Variants in CUL3 observed in about 807,000 individuals in gnomAD.
The protein encoded by CUL3 is cullin 3.
A neutral mutation model predicts 89.1 loss-of-function variants in CUL3; 19 were observed. The observed-to-expected ratio is 0.21, with a 90% CI of 0.15 to 0.31. The LOEUF (loss-of-function observed/expected upper bound fraction) is 0.31. Ranked by LOEUF, CUL3 falls within the 10% of genes least tolerant of loss-of-function variation. The probability of loss-of-function intolerance (pLI) is 1.00; values close to 1 mark genes in which losing one functional copy is unlikely to be tolerated. For missense variants in CUL3, 469 were observed against 942.3 expected, an observed-to-expected ratio of 0.50 and a Z score of 6.58; for synonymous variants, 351 against 308.4, an observed-to-expected ratio of 1.14 and a Z score of -1.45.
rs540788988 is a variant in CUL3 at position 224,547,952 on chromosome 2, T to C, written c.264+9707A>G. On this transcript the variant is annotated intron_variant, in intron 2 of 15. Coordinates refer to ENST00000264414, the MANE Select transcript of CUL3 (RefSeq NM_003590.5). ...ATATAAAATTTAAAACTGGTTCTTC[T>C]TCCCCATCTAGAAATAGGGAGAAAA... 8.3e-4 allele frequency among the ~76,000 whole-genome samples: 127 copies of C among 152,270 alleles called. 3 individuals carry two copies. In the South Asian group the frequency reaches 0.026, roughly 31 times the overall value.
chr2:224,534,130 A>G (rs1410406457), intron 3 of CUL3, among the ~76,000 whole-genome samples: 2 of 152,250 alleles, frequency 1.3e-5, no homozygotes, highest in Admixed American at 1.3e-4. Context: ...TTAACTTATT[A>G]ATTTTGGAGT....
chr2:224,488,261 A>T (rs1691816746), intron 13 of CUL3, among the ~76,000 whole-genome samples: 1 of 151,700 alleles, frequency 6.6e-6, no homozygotes, highest in African/African-American at 2.4e-5. Flanking sequence ...GAAGGAGATA[A>T]GAGAAAACAG....
intron 2 of CUL3, among the ~76,000 whole-genome samples, chr2:224,546,256 A>T (rs6713629): frequency 0.75 from 113,479 of 152,060 alleles, 42,950 homozygotes; most frequent in African/African-American, 0.89. Context: ...CATGACAACA[A>T]AGCTACCAGT....
intron 2 of CUL3, among the ~76,000 whole-genome samples, chr2:224,546,993 T>C (rs1054354825): frequency 2.0e-5 from 3 of 152,092 alleles, no homozygotes; most frequent in Non-Finnish European, 2.9e-5. Context: ...TAGCTCACAG[T>C]CTCTTCTCAC....
At chr2:224,528,668 C>T (rs1362352749) in intron 3 of CUL3, among the ~76,000 whole-genome samples, 3 of 152,026 alleles carry the variant, frequency 2.0e-5, no homozygotes, top group African/African-American at 4.8e-5. Context: ...CTCAGCTTCT[C>T]TCCTCTTCAT....
chr2:224,549,658 G>A (rs1410722144), intron 2 of CUL3, among the ~76,000 whole-genome samples: 2 of 152,098 alleles, frequency 1.3e-5, no homozygotes, highest in African/African-American at 4.8e-5. Flanking sequence ...ACAGGAGTTA[G>A]AAGAAGAAAA....
At chr2:224,518,696 G>A (rs908782202) in intron 3 of CUL3, among the ~76,000 whole-genome samples, 1 of 152,076 alleles carries the variant, frequency 6.6e-6, no homozygotes, top group South Asian at 2.1e-4. Flanking sequence ...AAAACAAATG[G>A]CTGGTAAAGA....
intron 2 of CUL3, among the ~76,000 whole-genome samples, chr2:224,541,467 G>C (rs997223209): frequency 2.0e-5 from 3 of 152,156 alleles, no homozygotes; most frequent in East Asian, 1.9e-4. Flanking sequence ...GCAACAACTA[G>C]AACTACCATA....
chr2:224,497,148 T>C (rs745633793), intron 12 of CUL3, among the ~76,000 whole-genome samples: 14 of 152,278 alleles, frequency 9.2e-5, no homozygotes, highest in Non-Finnish European at 1.8e-4. Flanking sequence ...AATTTAGGTA[T>C]ATTTCTACAG....
intron 1 of CUL3, among the ~76,000 whole-genome samples, chr2:224,572,904 C>A (rs1695215587): frequency 6.6e-6 from 1 of 152,168 alleles, no homozygotes; most frequent in African/African-American, 2.4e-5. Flanking sequence ...TCCCAGCCTC[C>A]ACAAATGTGA....
chr2:224,585,024 C>A lies in CUL3; in HGVS notation c.-15G>T, dbSNP rs200776373. On this transcript the variant is annotated 5_prime_UTR_variant, in exon 1 of 16. Coordinates refer to ENST00000264414, the MANE Select transcript of CUL3 (RefSeq NM_003590.5). ...AGATTCGACATGGTGCTCGTCCCCT[C>A]CCCGGCGGCGGCTTCAGGTCGCGCT... The A allele has an allele frequency of 1.3e-6, 2 of 1,491,778 alleles. No individual in the cohort carries two copies. Among genetic ancestry groups the A allele is most frequent in the African/African-American group, 1.5e-5 (1 of 68,430 alleles). The allele number at this position is 1,491,778 out of a possible 1,614,324, so 92.4% of individuals were successfully genotyped here. A position where few individuals can be genotyped will look rare whatever the true frequency, so the allele number is the denominator to read the frequency against.
intron 1 of CUL3, among the ~76,000 whole-genome samples, chr2:224,579,805 T>C (rs184940962): frequency 2.0e-4 from 30 of 152,316 alleles, no homozygotes; most frequent in African/African-American, 7.0e-4. Flanking sequence ...TCATAACAGG[T>C]TTCCCAAACT....
intron 10 of CUL3, 140 bp from the exon 11 acceptor site, chr2:224,500,627 C>CTTTTTT (rs11350781): frequency 1.8e-5 from 7 of 396,316 alleles, no homozygotes; most frequent in East Asian, 6.0e-5. Flanking sequence ...ATTTTCTTTT[C>CTTTTTT]TTTTTTTTTT....
rs950203932 is a variant in CUL3, at chr2:224,534,954, T to C, written c.378+574A>G. Among the ~76,000 whole-genome samples, 40 of 151,334 alleles carry C rather than the reference T, an allele frequency of 2.6e-4. 1 individual carries two copies. Among genetic ancestry groups the C allele is most frequent in the Admixed American group, 2.6e-4 (4 of 15,226 alleles). On this transcript the variant is annotated intron_variant, in intron 3 of 15. Coordinates refer to ENST00000264414, the MANE Select transcript of CUL3 (RefSeq NM_003590.5). ...AGGCAGAGCTTGCAGTGAGCCGAGATCATGCCACTGCACTCCAGCCTGGGG... is the reference window on the plus strand; with the variant it reads ...AGGCAGAGCTTGCAGTGAGCCGAGACCATGCCACTGCACTCCAGCCTGGGG...
At chr2:224,575,104 T>C (rs1366961353) in intron 1 of CUL3, among the ~76,000 whole-genome samples, 2 of 152,212 alleles carry the variant, frequency 1.3e-5, no homozygotes, top group African/African-American at 4.8e-5. Flanking sequence ...AATAATATAA[T>C]TGAAAGGGAA....
In CUL3 at chr2:224,585,176, GGGC is replaced by G. The variant is rs552925358; in HGVS notation, c.-170_-168del. 1.2e-3 allele frequency: 320 copies of G among 260,720 alleles called. No individual in the cohort carries two copies. The highest frequency in any genetic ancestry group is 3.8e-3 in the Middle Eastern group (3 of 798). 16.2% of individuals were successfully genotyped at this position (260,720 alleles called of 1,614,324 possible). On this transcript the variant is annotated 5_prime_UTR_variant, in exon 1 of 16. Coordinates refer to ENST00000264414, the MANE Select transcript of CUL3 (RefSeq NM_003590.5). ...CCCTGGGCAGCCGCGGCGGCGGCGG[GGGC>G]GGCGGCGGCGGCGGCGGCGGCTCGG...
rs1365400325 is a variant in CUL3 at position 224,473,422 on chromosome 2, T to G, written c.*823A>C. ...ATTAGTGGGTATGTGTATACTAAAT[T>G]CATTATTTTTGTCTACAATAAATGA... is the stretch of plus-strand genomic sequence containing the variant. On this transcript the variant is annotated 3_prime_UTR_variant, in exon 16 of 16. Transcript: ENST00000264414. 5.3e-6 allele frequency: 1 copy of G among 189,086 alleles called. No homozygotes were observed. The highest frequency in any genetic ancestry group is 1.1e-5 in the Non-Finnish European group (1 of 89,782). The allele number at this position is 189,086 out of a possible 1,614,324, so 11.7% of individuals were successfully genotyped here.
At chr2:224,575,924 T>C (rs535988611) in intron 1 of CUL3, among the ~76,000 whole-genome samples, 6 of 152,284 alleles carry the variant, frequency 3.9e-5, no homozygotes, top group Admixed American at 6.5e-5. Context: ...AATAAACGTA[T>C]TTTAAATTGA....
At chr2:224,503,587 T>C (rs1173829672) in intron 9 of CUL3, 65 bp downstream of exon 9, 3 of 1,266,524 alleles carry the variant, frequency 2.4e-6, no homozygotes, top group Non-Finnish European at 3.2e-6. Context: ...CCAATCACGT[T>C]GTCAGTACAC....
Sources: allele counts gnomAD v4.1 joint callset (sites outside exome capture counted in the v4.1 genomes callset), GRCh38; gene constraint gnomAD v4.1.1; transcripts MANE v1.5; gene names NCBI Gene and HGNC (gene_info 2026-07-23, HGNC 2026-07-21).